The following KCMF1 variants were observed in gnomAD, a reference collection of about 807,000 sequenced individuals.
KCMF1 encodes potassium channel modulatory factor 1.
Under a neutral mutation model 41.1 loss-of-function variants are expected in KCMF1, and 3 were observed. That is an observed-to-expected ratio of 0.07 (90% CI 0.03 to 0.19). The LOEUF is 0.19. Ranked by LOEUF, KCMF1 falls within the 10% of genes least tolerant of loss-of-function variation. KCMF1 has a pLI of 1.00. For synonymous variants in KCMF1, 142 were observed against 164.5 expected, an observed-to-expected ratio of 0.86 and a Z score of 1.04; for missense variants, 286 against 488.9, an observed-to-expected ratio of 0.58 and a Z score of 3.91.
chr2:84,987,548 G>A (rs1673933613), intron 1 of KCMF1, among the ~76,000 whole-genome samples: 1 of 152,210 alleles, frequency 6.6e-6, no homozygotes, highest in Non-Finnish European at 1.5e-5. Context: ...AGTAAATTGG[G>A]CATCTAGGAG....
chr2:85,010,443 T>C (rs1371641332), intron 1 of KCMF1, among the ~76,000 whole-genome samples: 1 of 152,220 alleles, frequency 6.6e-6, no homozygotes, highest in Non-Finnish European at 1.5e-5. Flanking sequence ...TACTCCAGCC[T>C]GGGTGACCAA....
intron 5 of KCMF1, 50 bp from the exon 6 acceptor site, chr2:85,049,316 G>GTT (rs1558587763): frequency 1.9e-6 from 3 of 1,575,162 alleles, no homozygotes; most frequent in Non-Finnish European, 1.7e-6. Flanking sequence ...GTAGCGTTTT[G>GTT]TTTTCCTCAG....
chr2:84,979,698 C>T (rs913229815), intron 1 of KCMF1, among the ~76,000 whole-genome samples: 5 of 151,946 alleles, frequency 3.3e-5, no homozygotes, highest in Non-Finnish European at 2.9e-5. Context: ...TAGTGTTGTG[C>T]TAAGGACCAT....
intron 1 of KCMF1, among the ~76,000 whole-genome samples, chr2:84,981,112 A>G (rs899997626): frequency 2.0e-5 from 3 of 151,884 alleles, no homozygotes; most frequent in South Asian, 2.1e-4. Flanking sequence ...ACCCTCAGCT[A>G]GAAGAAATAG....
In KCMF1 at chr2:84,979,826, A is replaced by AT. The variant is rs201197085; in HGVS notation, c.16+8372dup. Among the ~76,000 whole-genome samples the AT allele has an allele frequency of 4.1e-3, 600 of 145,404 alleles. 4 individuals are homozygous for AT. Among genetic ancestry groups the AT allele is most frequent in the Middle Eastern group, 7.3e-3 (2 of 274 alleles). ...GATCAGAGCATCTTAAAATTTGGTAATTTTTTTTTTTTTGAGACCGAGTTT... is the reference window on the plus strand; with the variant it reads ...GATCAGAGCATCTTAAAATTTGGTAATTTTTTTTTTTTTTGAGACCGAGTTT... On this transcript the variant is annotated intron_variant, in intron 1 of 6. Coordinates refer to ENST00000409785, the MANE Select transcript of KCMF1 (RefSeq NM_020122.5).
At chr2:85,037,407 C>T (rs1285206534) in intron 3 of KCMF1, among the ~76,000 whole-genome samples, 2 of 152,114 alleles carry the variant, frequency 1.3e-5, no homozygotes, top group African/African-American at 2.4e-5. Context: ...GCAGGTACAG[C>T]CAAGTGTAGC....
chr2:84,971,423 G>T lies in KCMF1; in HGVS notation c.-29G>T. ...GGGACACTGCAGCCGGAGCCCGGGA[G>T]GGGCCGCGCCGCCACCGTCTGAACT... On this transcript the variant is annotated 5_prime_UTR_variant, in exon 1 of 7. The change creates a new upstream start codon in the 5' untranslated region. Transcript: ENST00000409785. The T allele has an allele frequency of 8.1e-7, 1 of 1,232,200 alleles. No homozygotes were observed. 76.3% of individuals were successfully genotyped at this position (1,232,200 alleles called of 1,614,324 possible). A position where few individuals can be genotyped will look rare whatever the true frequency, so the allele number is the denominator to read the frequency against.
At chr2:84,981,519 C>T (rs1673752683) in intron 1 of KCMF1, among the ~76,000 whole-genome samples, 1 of 151,860 alleles carries the variant, frequency 6.6e-6, no homozygotes, top group Non-Finnish European at 1.5e-5. Context: ...TTTTTTTAAT[C>T]TCTTTTGCTG....
At chr2:85,003,699 C>T (rs987474878) in intron 1 of KCMF1, among the ~76,000 whole-genome samples, 3 of 152,022 alleles carry the variant, frequency 2.0e-5, no homozygotes, top group Non-Finnish European at 4.4e-5. Flanking sequence ...AGGAATCCTC[C>T]TGCCTAGGAT....
intron 5 of KCMF1, 27 bp downstream of exon 5, chr2:85,046,305 A>T (rs762877383): frequency 3.8e-6 from 6 of 1,587,740 alleles, no homozygotes; most frequent in Non-Finnish European, 2.6e-6. Context: ...TTAATAAGGG[A>T]AATGGCAGGG....
intron 1 of KCMF1, among the ~76,000 whole-genome samples, chr2:85,024,583 AGTGTGTGTGTGTGTGTGTGTGTGC>A (rs1675042445): frequency 8.1e-6 from 1 of 124,220 alleles, no homozygotes; most frequent in Non-Finnish European, 1.7e-5. Context: ...AGAGAGAGAG[AGTGTGTGTGTGTGTGTGTGTGTGC>A]GCGTGTGTGT....
Position 85,007,286 on chromosome 2 carries a change from G to A in KCMF1, c.17-20603G>A, listed in dbSNP as rs1237635588. On this transcript the variant is annotated intron_variant, in intron 1 of 6. Coordinates refer to ENST00000409785, the MANE Select transcript of KCMF1 (RefSeq NM_020122.5). ...GAATAGCAAGCCCAGGTCTCACCAT[G>A]TGAGGAAAGAGCAGTTTGCACTATT... is the stretch of plus-strand genomic sequence containing the variant. Among the ~76,000 whole-genome samples the A allele has an allele frequency of 2.2e-4, 34 of 152,162 alleles. 2 individuals are homozygous for A.
intron 1 of KCMF1, among the ~76,000 whole-genome samples, chr2:85,013,722 C>T (rs565675855): frequency 1.1e-4 from 16 of 150,202 alleles, no homozygotes; most frequent in Non-Finnish European, 2.1e-4. Context: ...CACTTGACCG[C>T]GGGAGGCAGA....
At chr2:85,033,699 C>T (rs1318601038) in intron 2 of KCMF1, among the ~76,000 whole-genome samples, 1 of 152,150 alleles carries the variant, frequency 6.6e-6, no homozygotes, top group Admixed American at 6.5e-5. Context: ...CTCCTAAAGA[C>T]ACCACCTTCC....
chr2:84,990,964 C>T (rs552137666), intron 1 of KCMF1, among the ~76,000 whole-genome samples: 2 of 152,246 alleles, frequency 1.3e-5, no homozygotes, highest in African/African-American at 4.8e-5. Context: ...AAGTTACTGA[C>T]TTAACCACTT....
intron 1 of KCMF1, among the ~76,000 whole-genome samples, chr2:84,988,655 A>G (rs150346849): frequency 1.3e-5 from 2 of 152,318 alleles, no homozygotes; most frequent in Non-Finnish European, 1.5e-5. Flanking sequence ...ATTCCCTTTT[A>G]CAAATTAGGA....
intron 5 of KCMF1, among the ~76,000 whole-genome samples, chr2:85,046,629 CAAA>C (rs1252387892): frequency 2.6e-5 from 2 of 76,816 alleles, no homozygotes; most frequent in Non-Finnish European, 5.8e-5. Context: ...GACCCTGTCT[CAAA>C]AAAAAAAAAA....
At chr2:85,026,495 A>ATTT (rs1553381453) in intron 1 of KCMF1, among the ~76,000 whole-genome samples, 44 of 143,582 alleles carry the variant, frequency 3.1e-4, no homozygotes, top group African/African-American at 8.2e-4. Context: ...TATTATTATT[A>ATTT]TTTTTATTTT....
Position 85,043,555 on chromosome 2 carries a change from C to G in KCMF1, c.325-9C>G. Reference sequence around the variant, plus strand: ...ATTTATTAAGCTGCTTTCTTTACTTCCATTTCAGATTTGTCCAATATGTGC... The same window carrying G: ...ATTTATTAAGCTGCTTTCTTTACTTGCATTTCAGATTTGTCCAATATGTGC... On this transcript the variant is annotated splice_polypyrimidine_tract_variant and intron_variant, in intron 3 of 6. Transcript: ENST00000409785. 1 of 1,545,178 alleles carries G rather than the reference C, an allele frequency of 6.5e-7. No homozygotes were observed. Among genetic ancestry groups the G allele is most frequent in the Non-Finnish European group, 8.9e-7 (1 of 1,119,628 alleles).
Sources: gnomAD v4.1 joint callset for allele counts (sites outside exome capture counted in the v4.1 genomes callset) on GRCh38, gnomAD v4.1.1 for gene constraint, MANE v1.5 for transcripts, NCBI Gene and HGNC (gene_info 2026-07-23, HGNC 2026-07-21) for gene names.